The following IMMP2L variants were observed in gnomAD, a reference collection of about 807,000 sequenced individuals.
IMMP2L encodes the protein inner mitochondrial membrane peptidase subunit 2, also known as mitochondrial inner membrane protease subunit 2.
Under a neutral mutation model 19.3 loss-of-function variants are expected in IMMP2L, and 18 were observed. That is an observed-to-expected ratio of 0.93 (90% confidence interval 0.64 to 1.38). IMMP2L has a LOEUF of 1.38. Among genes scored for constraint, IMMP2L ranks in the 40% most tolerant of loss-of-function variants. The probability of loss-of-function intolerance (pLI) is 0.00; values close to 1 mark genes in which losing one functional copy is unlikely to be tolerated. For synonymous variants in IMMP2L, 76 were observed against 73.0 expected, an observed-to-expected ratio of 1.04 and a Z score of -0.21; for missense variants, 233 against 218.2, an observed-to-expected ratio of 1.07 and a Z score of -0.43.
chr7:111,120,261 A>G (rs544601447), intron 3 of IMMP2L, among the ~76,000 whole-genome samples: 2 of 152,294 alleles, frequency 1.3e-5, no homozygotes, highest in Admixed American at 1.3e-4. Context: ...GTAATTTACA[A>G]AGAAAAAGAG....
chr7:111,197,005 C>T (rs778747078), intron 3 of IMMP2L, among the ~76,000 whole-genome samples: 2 of 152,142 alleles, frequency 1.3e-5, no homozygotes, highest in Non-Finnish European at 2.9e-5. Flanking sequence ...TATGAAGTTT[C>T]CCTAAACTTC....
At chr7:111,045,404 C>A (rs946202763) in intron 3 of IMMP2L, among the ~76,000 whole-genome samples, 1 of 152,194 alleles carries the variant, frequency 6.6e-6, no homozygotes, top group Non-Finnish European at 1.5e-5. Context: ...CTGGTCTCTG[C>A]ACAATTTATT....
chr7:110,840,402 C>T (rs10233811), intron 5 of IMMP2L, among the ~76,000 whole-genome samples: 119,914 of 152,080 alleles, frequency 0.79, 48,622 homozygotes, highest in East Asian at 0.91. Flanking sequence ...GGCTCTATAA[C>T]ATATAAAAAT....
At chr7:111,270,107 C>A (rs1393018291) in intron 3 of IMMP2L, among the ~76,000 whole-genome samples, 1 of 150,898 alleles carries the variant, frequency 6.6e-6, no homozygotes, top group African/African-American at 2.4e-5. Context: ...ATCCTCCCCA[C>A]TGATTTGAAA....
chr7:111,283,767 C>T (rs975233469), intron 3 of IMMP2L, among the ~76,000 whole-genome samples: 7 of 151,464 alleles, frequency 4.6e-5, no homozygotes, highest in Admixed American at 2.6e-4. Context: ...GTCAGGAGAT[C>T]GAGACCATCC....
chr7:111,086,768 T>A (rs1586171972), intron 3 of IMMP2L, among the ~76,000 whole-genome samples: 1 of 152,362 alleles, frequency 6.6e-6, no homozygotes, highest in Admixed American at 6.5e-5. Flanking sequence ...ATCGACTCAT[T>A]TTTTCCACTA....
At position 111,004,902 on chromosome 7, in the gene IMMP2L, A is replaced by G. The variant is rs145118091; in HGVS notation, c.240-41337T>C. ...TTTGAAATCTCAGGGTAGATGTACA[A>G]AGAAAAACAAAACTACTCTCACTTA... On this transcript the variant is annotated intron_variant, in intron 3 of 5. Transcript: ENST00000405709. 7.2e-3 allele frequency among the ~76,000 whole-genome samples: 1,097 copies of G among 152,310 alleles called. 7 individuals are homozygous for G. Among genetic ancestry groups the G allele is most frequent in the Non-Finnish European group, 0.013 (916 of 68,020 alleles).
rs1018164570 is a variant in IMMP2L at position 110,924,391 on chromosome 7, G to A, written c.306-37696C>T. Among the ~76,000 whole-genome samples the A allele has an allele frequency of 6.6e-6, 1 of 152,014 alleles. No homozygotes were observed. Among genetic ancestry groups the A allele is most frequent in the Non-Finnish European group, 1.5e-5 (1 of 68,000 alleles). On this transcript the variant is annotated intron_variant, in intron 4 of 5. Coordinates refer to ENST00000405709, the MANE Select transcript of IMMP2L (RefSeq NM_032549.4). This position sits in a 1 kb window ranked among gnomAD's most constrained non-coding sequence, Gnocchi z 4.2. Reference sequence around the variant, plus strand: ...GAGGTTCCATTTCAGCGCTACCTTTGCCAACGGAGTCCTGCAATGACATAC... The same window carrying A: ...GAGGTTCCATTTCAGCGCTACCTTTACCAACGGAGTCCTGCAATGACATAC...
At position 110,669,613 on chromosome 7, in the gene IMMP2L, G is replaced by A. The variant is rs190389087; in HGVS notation, c.409-5892C>T. On this transcript the variant is annotated intron_variant, in intron 5 of 5. Transcript: ENST00000405709. ...TTACACTCAGTGCTTACTCTATGGAGGGCAGTGTTCTGAATGACTTACACA... is the reference window on the plus strand; with the variant it reads ...TTACACTCAGTGCTTACTCTATGGAAGGCAGTGTTCTGAATGACTTACACA... 3.3e-5 allele frequency among the ~76,000 whole-genome samples: 5 copies of A among 152,262 alleles called. No homozygotes were observed. The East Asian group carries it at 5.8e-4, about 18-fold the overall frequency.
chr7:110,927,833 G>T (rs1190567329), intron 4 of IMMP2L, among the ~76,000 whole-genome samples: 1 of 152,050 alleles, frequency 6.6e-6, no homozygotes, highest in East Asian at 1.9e-4. Flanking sequence ...ATATACCCTT[G>T]TTTTAAGTCT....
At chr7:110,929,213 A>C (rs1428405254) in intron 4 of IMMP2L, among the ~76,000 whole-genome samples, 1 of 152,168 alleles carries the variant, frequency 6.6e-6, no homozygotes, top group Non-Finnish European at 1.5e-5. Context: ...TAGTAGGACA[A>C]AATCTTGGGA....
At chr7:111,173,152 A>C (rs1374513646) in intron 3 of IMMP2L, among the ~76,000 whole-genome samples, 1 of 151,562 alleles carries the variant, frequency 6.6e-6, no homozygotes, top group Non-Finnish European at 1.5e-5. Flanking sequence ...TTACTACTGA[A>C]GTGTTGCAGT....
chr7:111,302,801 T>C (rs536877244), intron 3 of IMMP2L, among the ~76,000 whole-genome samples: 2 of 151,982 alleles, frequency 1.3e-5, no homozygotes, highest in African/African-American at 2.4e-5. Context: ...AAGAAAAATA[T>C]TGCCATATAA....
At chr7:111,025,490 T>A (rs2129567718) in intron 3 of IMMP2L, among the ~76,000 whole-genome samples, 1 of 152,316 alleles carries the variant, frequency 6.6e-6, no homozygotes, top group Non-Finnish European at 1.5e-5. Flanking sequence ...ATATTAGAAA[T>A]ATTTCCATCT....
intron 3 of IMMP2L, among the ~76,000 whole-genome samples, chr7:111,263,560 A>G (rs1817538530): frequency 6.6e-6 from 1 of 152,172 alleles, no homozygotes; most frequent in Non-Finnish European, 1.5e-5. Context: ...ACCATTGGAT[A>G]TATGAGTCTG....
chr7:110,682,980 T>G (rs1486927362), intron 5 of IMMP2L, among the ~76,000 whole-genome samples: 1 of 152,100 alleles, frequency 6.6e-6, no homozygotes, highest in African/African-American at 2.4e-5. Flanking sequence ...ATGAGACTTA[T>G]GTACAAGTAG....
chr7:111,227,659 A>C (rs186945984), intron 3 of IMMP2L, among the ~76,000 whole-genome samples: 1 of 152,146 alleles, frequency 6.6e-6, no homozygotes, highest in Admixed American at 6.6e-5. Flanking sequence ...CATACTCTGC[A>C]TAAGCCAGAA....
intron 4 of IMMP2L, among the ~76,000 whole-genome samples, chr7:110,891,158 A>G (rs1178569877): frequency 6.6e-6 from 1 of 151,610 alleles, no homozygotes; most frequent in African/African-American, 2.4e-5. Context: ...GTCTTGAAGG[A>G]CCAGAAGTCA....
intron 3 of IMMP2L, among the ~76,000 whole-genome samples, chr7:111,020,540 T>G (rs192727446): frequency 6.6e-6 from 1 of 152,154 alleles, no homozygotes; most frequent in South Asian, 2.1e-4. Flanking sequence ...GACAGGTGGA[T>G]TGCTTGAGCA....
Sources: allele counts gnomAD v4.1 joint callset (sites outside exome capture counted in the v4.1 genomes callset), GRCh38; gene constraint gnomAD v4.1.1; non-coding constraint Gnocchi (gnomAD v3.1); transcripts MANE v1.5; gene names NCBI Gene and HGNC (gene_info 2026-07-23, HGNC 2026-07-21).